The following FAM13A variants were observed in gnomAD, a reference collection of about 807,000 sequenced individuals.
FAM13A encodes family with sequence similarity 13 member A.
FAM13A carries 76 observed loss-of-function variants against 129.6 expected under a neutral mutation model. The ratio of observed to expected loss-of-function variants is 0.59; its 90% CI spans 0.49 to 0.71. The LOEUF is 0.71. FAM13A is among the 30% of genes least tolerant of loss of function. The probability of loss-of-function intolerance (pLI) is 0.00; values close to 1 mark genes in which losing one functional copy is unlikely to be tolerated. For missense variants in FAM13A, 1,108 were observed against 1,249.3 expected, an observed-to-expected ratio of 0.89 and a Z score of 1.70; for synonymous variants, 443 against 449.9, an observed-to-expected ratio of 0.98 and a Z score of 0.20.
intron 2 of FAM13A, 67 bp from the exon 3 acceptor site, chr4:89,020,736 A>G: frequency 9.9e-7 from 1 of 1,014,280 alleles, no homozygotes; most frequent in Admixed American, 1.8e-5. Context: ...AAAGAATGAT[A>G]ACAACACAAA....
chr4:88,767,822 A>G (rs1745986542), intron 12 of FAM13A, among the ~76,000 whole-genome samples, 161 bp downstream of exon 12: 2 of 152,224 alleles, frequency 1.3e-5, no homozygotes, highest in Admixed American at 1.3e-4. Context: ...GCACTGTGAT[A>G]GATTTTCTAT....
intron 4 of FAM13A, among the ~76,000 whole-genome samples, chr4:88,987,849 A>AAAAAAAAAAAAAAAAAAAAAAC (rs1207687700): frequency 6.6e-6 from 1 of 150,568 alleles, no homozygotes; most frequent in African/African-American, 2.5e-5. Context: ...AAAAAAAAAA[A>AAAAAAAAAAAAAAAAAAAAAAC]AAAAAACTTA....
chr4:88,957,625 G>A (rs141135401), intron 4 of FAM13A, among the ~76,000 whole-genome samples: 2,140 of 152,338 alleles, frequency 0.014, 55 homozygotes, highest in African/African-American at 0.048. Flanking sequence ...TGGGTAACAG[G>A]CAGAGGTTGG....
At chr4:88,763,632 T>C (rs1439165409) in intron 13 of FAM13A, among the ~76,000 whole-genome samples, 2 of 152,230 alleles carry the variant, frequency 1.3e-5, no homozygotes, top group African/African-American at 4.8e-5. Context: ...GCTCTTTCTC[T>C]GGCTTCAAAT....
At chr4:88,861,245 G>C (rs1041154813) in intron 6 of FAM13A, among the ~76,000 whole-genome samples, 2 of 151,932 alleles carry the variant, frequency 1.3e-5, no homozygotes, top group Non-Finnish European at 2.9e-5. Flanking sequence ...GCCAAGCATG[G>C]TTGTGCATGC....
At position 88,727,033 on chromosome 4, in the gene FAM13A, A is replaced by T. The variant is rs573736525; in HGVS notation, c.*1500T>A. On this transcript the variant is annotated 3_prime_UTR_variant, in exon 24 of 24. Coordinates refer to ENST00000264344, the MANE Select transcript of FAM13A (RefSeq NM_014883.4). ...GTTTCTCACGACCCTTTAAAACTGA[A>T]AACGGGTCAGTATAGTTTTACATTC... 1 of 152,296 alleles carries T rather than the reference A, an allele frequency of 6.6e-6. No homozygotes were observed. The highest frequency in any genetic ancestry group is 2.4e-5 in the African/African-American group (1 of 41,474). The allele number at this position is 152,296 out of a possible 1,614,324, so 9.4% of individuals were successfully genotyped here.
At chr4:88,850,192 T>C (rs190661233) in intron 7 of FAM13A, among the ~76,000 whole-genome samples, 1 of 152,308 alleles carries the variant, frequency 6.6e-6, no homozygotes, top group Admixed American at 6.5e-5. Flanking sequence ...TCTGGAATTA[T>C]AGTAATTCTA....
chr4:88,771,321 T>C (rs1041097133), intron 11 of FAM13A, among the ~76,000 whole-genome samples: 2 of 152,114 alleles, frequency 1.3e-5, no homozygotes, highest in African/African-American at 4.8e-5. Context: ...CAGTAATCTC[T>C]CTACTTCACT....
chr4:88,951,721 C>T (rs1219616645), intron 4 of FAM13A, among the ~76,000 whole-genome samples: 4 of 152,076 alleles, frequency 2.6e-5, no homozygotes, highest in African/African-American at 9.7e-5. Context: ...AGTTCTGTTC[C>T]TCTCTCCCAT....
At chr4:89,048,519 T>G (rs1771150542) in intron 1 of FAM13A, among the ~76,000 whole-genome samples, 1 of 152,084 alleles carries the variant, frequency 6.6e-6, no homozygotes, top group African/African-American at 2.4e-5. Context: ...CTTGCACAAT[T>G]GGTCAATTTA....
chr4:88,823,941 G>A (rs1433015978), intron 7 of FAM13A, among the ~76,000 whole-genome samples: 5 of 152,176 alleles, frequency 3.3e-5, no homozygotes, highest in Non-Finnish European at 5.9e-5. Context: ...AACTGAATGT[G>A]TTTACACAGT....
chr4:88,968,917 T>A (rs1759708989), intron 4 of FAM13A, among the ~76,000 whole-genome samples: 1 of 152,172 alleles, frequency 6.6e-6, no homozygotes, highest in South Asian at 2.1e-4. Flanking sequence ...GCTTCTTCTA[T>A]CAAAGGAGAT....
At chr4:88,879,432 T>C (rs1177090782) in intron 6 of FAM13A, among the ~76,000 whole-genome samples, 1 of 152,158 alleles carries the variant, frequency 6.6e-6, no homozygotes, top group African/African-American at 2.4e-5. Context: ...ATATGTATTA[T>C]ATGCACAATC....
chr4:88,870,938 C>T (rs942041363), intron 6 of FAM13A, among the ~76,000 whole-genome samples: 4 of 152,196 alleles, frequency 2.6e-5, no homozygotes, highest in Non-Finnish European at 5.9e-5. Flanking sequence ...AAGGATCAGG[C>T]AGCAACATTT....
At chr4:88,939,787 G>C (rs1313286162) in intron 4 of FAM13A, among the ~76,000 whole-genome samples, 1 of 152,152 alleles carries the variant, frequency 6.6e-6, no homozygotes, top group African/African-American at 2.4e-5. Context: ...GCTGTAAGAG[G>C]ATCACATGGC....
At chr4:88,778,533 G>T (rs1319094518) in intron 11 of FAM13A, among the ~76,000 whole-genome samples, 1 of 152,146 alleles carries the variant, frequency 6.6e-6, no homozygotes, top group African/African-American at 2.4e-5. Flanking sequence ...TCAGTGAAGG[G>T]TACAGCCCGT....
intron 5 of FAM13A, chr4:88,936,937 A>G (rs934669821): frequency 6.6e-6 from 1 of 152,214 alleles, no homozygotes; most frequent in African/African-American, 2.4e-5. Context: ...AAAGTACCAT[A>G]GGCACTAGAG....
At chr4:88,781,383 TA>T (rs1347561873) in intron 10 of FAM13A, 32 bp from the exon 11 acceptor site, 2 of 1,468,428 alleles carry the variant, frequency 1.4e-6, no homozygotes, top group East Asian at 4.6e-5. Context: ...AATTTTATTT[TA>T]AAAGATCAAA....
At chr4:88,979,701 T>C (rs891464595) in intron 4 of FAM13A, among the ~76,000 whole-genome samples, 1 of 152,176 alleles carries the variant, frequency 6.6e-6, no homozygotes, top group East Asian at 1.9e-4. Flanking sequence ...TGGCCAGGCA[T>C]GGTGGCTCAC....
Sources: gnomAD v4.1 joint callset for allele counts (sites outside exome capture counted in the v4.1 genomes callset) on GRCh38, gnomAD v4.1.1 for gene constraint, MANE v1.5 for transcripts, NCBI Gene and HGNC (gene_info 2026-07-23, HGNC 2026-07-21) for gene names.